The following MBNL2 variants were observed in gnomAD, a reference collection of about 807,000 sequenced individuals.
MBNL2 encodes the protein muscleblind-like protein 2.
MBNL2 carries 17 observed loss-of-function variants against 41.9 expected under a neutral mutation model. That is an observed-to-expected ratio of 0.41 (90% CI 0.28 to 0.61). MBNL2 has a LOEUF of 0.61. Ranked by LOEUF, MBNL2 falls within the 20% of genes least tolerant of loss-of-function variation. The pLI, the probability that MBNL2 is intolerant of heterozygous loss-of-function variation, is 0.35. For missense variants in MBNL2, 336 were observed against 505.6 expected (o/e 0.66, Z 3.22); for synonymous variants, 195 against 182.9 (o/e 1.07, Z -0.53).
At chr13:97,234,200 A>T (rs1320487045) in intron 1 of MBNL2, among the ~76,000 whole-genome samples, 1 of 152,198 alleles carries the variant, frequency 6.6e-6, no homozygotes, top group Non-Finnish European at 1.5e-5. Flanking sequence ...GGGACTCTGT[A>T]ACCTGCACTC....
rs115714957 is a variant in MBNL2, at chr13:97,269,297, C to T, written c.-604-6335C>T. On this transcript the variant is annotated intron_variant, in intron 1 of 8. Coordinates refer to ENST00000679496, the MANE Select transcript of MBNL2 (RefSeq NM_001382683.1). ...ATAATGTGGGCAGAGACCCTGTTCC[C>T]AGTGCAGCCTAGAAACTTCTGGGAA... is the stretch of plus-strand genomic sequence containing the variant. Among the ~76,000 whole-genome samples, 1,032 of 152,302 alleles carry T rather than the reference C, an allele frequency of 6.8e-3. 10 individuals are homozygous for T. Among genetic ancestry groups the T allele is most frequent in the African/African-American group, 0.024 (982 of 41,558 alleles).
intron 3 of MBNL2, among the ~76,000 whole-genome samples, chr13:97,338,504 CA>C (rs1191555460): frequency 6.6e-6 from 1 of 152,180 alleles, no homozygotes; most frequent in Non-Finnish European, 1.5e-5. Context: ...AATGAAAATT[CA>C]AGCCTTTCTC....
At chr13:97,294,378 A>T (rs2056692331) in intron 2 of MBNL2, among the ~76,000 whole-genome samples, 1 of 152,240 alleles carries the variant, frequency 6.6e-6, no homozygotes, top group Admixed American at 6.5e-5. Flanking sequence ...AGAATTTACA[A>T]TTAAATACTA....
chr13:97,313,568 G>C (rs965282544), intron 2 of MBNL2, among the ~76,000 whole-genome samples: 7 of 152,222 alleles, frequency 4.6e-5, no homozygotes, highest in Non-Finnish European at 1.0e-4. Context: ...TGGAGAGACT[G>C]TCTCTCCTCT....
the MBNL2 span, among the ~76,000 whole-genome samples, chr13:97,158,910 G>A: frequency 6.6e-6 from 1 of 151,130 alleles, no homozygotes; most frequent in African/African-American, 2.4e-5. Flanking sequence ...TGTCTATTAG[G>A]TCCACTTGGT....
At chr13:97,175,962 C>G in the MBNL2 span, among the ~76,000 whole-genome samples, 1 of 152,098 alleles carries the variant, frequency 6.6e-6, no homozygotes, top group East Asian at 1.9e-4. Context: ...GGATGCCCCC[C>G]AGGATTTTGG....
chr13:97,228,446 A>G (rs2041950377), intron 1 of MBNL2, among the ~76,000 whole-genome samples: 1 of 152,172 alleles, frequency 6.6e-6, no homozygotes, highest in African/African-American at 2.4e-5. Flanking sequence ...TTACATTATA[A>G]TATGCAAATA....
chr13:97,199,717 A>C, the MBNL2 span, among the ~76,000 whole-genome samples: 13 of 152,246 alleles, frequency 8.5e-5, no homozygotes, highest in Admixed American at 2.0e-4. Context: ...GCTCTCTGTC[A>C]GATGTACCTA....
intron 8 of MBNL2, among the ~76,000 whole-genome samples, chr13:97,376,775 G>A (rs562650088): frequency 6.6e-6 from 1 of 152,258 alleles, no homozygotes; most frequent in African/African-American, 2.4e-5. Context: ...AAGGCAGTAA[G>A]TCTTAAGAGC....
At chr13:97,290,339 G>T (rs181053569) in intron 2 of MBNL2, among the ~76,000 whole-genome samples, 71 of 152,192 alleles carry the variant, frequency 4.7e-4, no homozygotes, top group Non-Finnish European at 5.9e-5. Flanking sequence ...TGACCTCGTG[G>T]GATTTTCATT....
intron 2 of MBNL2, among the ~76,000 whole-genome samples, chr13:97,311,260 G>C (rs1026539690): frequency 6.6e-6 from 1 of 152,154 alleles, no homozygotes; most frequent in Admixed American, 6.5e-5. Flanking sequence ...TAAACAGTGA[G>C]GTTCTCCAGC....
chr13:97,322,356 G>A (rs1177173869), intron 2 of MBNL2, among the ~76,000 whole-genome samples: 1 of 152,128 alleles, frequency 6.6e-6, no homozygotes, highest in East Asian at 1.9e-4. Flanking sequence ...GAGACATCAA[G>A]TACAGAAAGT....
the MBNL2 span, among the ~76,000 whole-genome samples, chr13:97,159,810 C>G: frequency 1.3e-5 from 2 of 151,726 alleles, 1 homozygote; most frequent in Admixed American, 1.3e-4. Context: ...CCCGACCTTT[C>G]TCTCTGGCTG....
chr13:97,260,609 C>A (rs1374701319), intron 1 of MBNL2, among the ~76,000 whole-genome samples: 1 of 152,140 alleles, frequency 6.6e-6, no homozygotes, highest in East Asian at 1.9e-4. Flanking sequence ...GATCCAGAGG[C>A]ATCTGCCATT....
At chr13:97,144,064 G>A in the MBNL2 span, among the ~76,000 whole-genome samples, 13 of 152,072 alleles carry the variant, frequency 8.5e-5, no homozygotes, top group Non-Finnish European at 1.6e-4. Flanking sequence ...GGCCAGTCTC[G>A]AACTCCTGAC....
At chr13:97,292,727 C>A (rs1332916021) in intron 2 of MBNL2, among the ~76,000 whole-genome samples, 1 of 151,946 alleles carries the variant, frequency 6.6e-6, no homozygotes, top group African/African-American at 2.4e-5. Context: ...AAAATCTTCA[C>A]TTGAAGTAAC....
intron 7 of MBNL2, among the ~76,000 whole-genome samples, chr13:97,362,339 A>G (rs2063482035): frequency 6.6e-6 from 1 of 152,120 alleles, no homozygotes; most frequent in Admixed American, 6.5e-5. Context: ...ATGAATGAAA[A>G]AGTAGAGTTC....
chr13:97,310,816 G>C (rs1238355294), intron 2 of MBNL2, among the ~76,000 whole-genome samples: 11 of 137,990 alleles, frequency 8.0e-5, no homozygotes, highest in Admixed American at 1.5e-4. Flanking sequence ...GAACAACTAA[G>C]TAGAAAATCA....
the MBNL2 span, among the ~76,000 whole-genome samples, chr13:97,167,282 A>T: frequency 6.6e-6 from 1 of 152,170 alleles, no homozygotes; most frequent in African/African-American, 2.4e-5. Flanking sequence ...AAAGAGGTAG[A>T]TGAATTGCTG....
Sources: gnomAD v4.1 joint callset for allele counts (sites outside exome capture counted in the v4.1 genomes callset) on GRCh38, gnomAD v4.1.1 for gene constraint, MANE v1.5 for transcripts, NCBI Gene and HGNC (gene_info 2026-07-23, HGNC 2026-07-21) for gene names.